The following GPM6A variants were observed in gnomAD, a reference collection of about 807,000 sequenced individuals.
GPM6A encodes glycoprotein M6A.
In GPM6A, 7 loss-of-function variants were observed where a neutral mutation model predicts 32.1. The ratio of observed to expected loss-of-function variants is 0.22; its 90% confidence interval spans 0.12 to 0.41. The LOEUF is 0.41. Among genes scored for constraint, GPM6A ranks in the 10% least tolerant of loss-of-function variants. GPM6A has a pLI of 1.00. For synonymous variants in GPM6A, 130 were observed against 123.4 expected (o/e 1.05, Z -0.35); for missense variants, 235 against 347.2 (o/e 0.68, Z 2.57).
intron 1 of GPM6A, chr4:175,790,172 C>T (rs1328214301): frequency 6.6e-6 from 1 of 152,044 alleles, no homozygotes; most frequent in African/African-American, 2.4e-5. Context: ...CCCAATTTGC[C>T]ATTATCTACA....
chr4:175,874,194 T>C (rs923667950), intron 1 of GPM6A, among the ~76,000 whole-genome samples: 6 of 152,044 alleles, frequency 3.9e-5, no homozygotes, highest in African/African-American at 1.4e-4. Flanking sequence ...TCAATAAAGA[T>C]TGTGGAATAA....
chr4:175,656,341 G>A (rs1465523793), intron 3 of GPM6A, among the ~76,000 whole-genome samples: 3 of 152,094 alleles, frequency 2.0e-5, no homozygotes, highest in African/African-American at 7.2e-5. Context: ...ACATGCAAAT[G>A]TCTGGCAAAA....
chr4:175,833,375 T>C (rs1293174566), intron 1 of GPM6A, among the ~76,000 whole-genome samples: 1 of 152,170 alleles, frequency 6.6e-6, no homozygotes, highest in Non-Finnish European at 1.5e-5. Context: ...TGTAGGACTC[T>C]GTAGAAGCAT....
chr4:176,001,271 C>T (rs960201306), intron 1 of GPM6A, among the ~76,000 whole-genome samples: 14 of 152,144 alleles, frequency 9.2e-5, no homozygotes, highest in African/African-American at 3.1e-4. Flanking sequence ...GGGAGGGGCG[C>T]CCAGTGGACT....
chr4:175,692,539 C>T (rs1246211269), intron 2 of GPM6A, among the ~76,000 whole-genome samples: 2 of 152,062 alleles, frequency 1.3e-5, no homozygotes, highest in Non-Finnish European at 2.9e-5. Flanking sequence ...TTTAGTGACA[C>T]ATTTTGCTGT....
At chr4:175,886,220 T>C (rs1210471725) in intron 1 of GPM6A, among the ~76,000 whole-genome samples, 1 of 152,116 alleles carries the variant, frequency 6.6e-6, no homozygotes. Flanking sequence ...GTACTCGTTA[T>C]AGGAAATTAC....
intron 1 of GPM6A, among the ~76,000 whole-genome samples, chr4:175,788,713 T>G (rs1313041522): frequency 6.6e-6 from 1 of 152,194 alleles, no homozygotes; most frequent in Non-Finnish European, 1.5e-5. Flanking sequence ...AGAAGTGGAT[T>G]TTGTTTCGGA....
chr4:175,965,022 A>G (rs2126410257), intron 1 of GPM6A, among the ~76,000 whole-genome samples: 1 of 152,314 alleles, frequency 6.6e-6, no homozygotes, highest in Non-Finnish European at 1.5e-5. Flanking sequence ...TGAAAGTTAT[A>G]GAGCAGGCAG....
rs188060000 is a variant in GPM6A at position 175,687,955 on chromosome 4, C to T, written c.230+13620G>A. On this transcript the variant is annotated intron_variant, in intron 2 of 6. Coordinates refer to ENST00000393658, the MANE Select transcript of GPM6A (RefSeq NM_201591.3). Reference sequence around the variant, plus strand: ...TGGTTAGTGATTTGGAACATCTTTTCATATACCTGTTGGCCAATTGTAAGT... The same window carrying T: ...TGGTTAGTGATTTGGAACATCTTTTTATATACCTGTTGGCCAATTGTAAGT... Among the ~76,000 whole-genome samples the T allele has an allele frequency of 2.0e-5, 3 of 152,292 alleles. No homozygotes were observed. The East Asian group carries it at 5.8e-4, about 29-fold the overall frequency.
intron 1 of GPM6A, among the ~76,000 whole-genome samples, chr4:175,908,537 A>G (rs1487171074): frequency 6.6e-6 from 1 of 152,154 alleles, no homozygotes; most frequent in Admixed American, 6.6e-5. Context: ...GTTAAAAAAA[A>G]AGACAGTTTA....
At chr4:175,661,113 ATCTT>A (rs1742385102) in intron 3 of GPM6A, among the ~76,000 whole-genome samples, 1 of 152,232 alleles carries the variant, frequency 6.6e-6, no homozygotes, top group African/African-American at 2.4e-5. Flanking sequence ...CTAGAATGTT[ATCTT>A]TCTAAGTCAG....
At chr4:175,807,191 G>A (rs76003462) in intron 1 of GPM6A, among the ~76,000 whole-genome samples, 4,015 of 152,084 alleles carry the variant, frequency 0.026, 82 homozygotes, top group Non-Finnish European at 0.039. Flanking sequence ...ATACTTACTG[G>A]TAGGCAATGA....
At chr4:175,881,685 T>C (rs1737281649) in intron 1 of GPM6A, among the ~76,000 whole-genome samples, 1 of 152,168 alleles carries the variant, frequency 6.6e-6, no homozygotes, top group African/African-American at 2.4e-5. Flanking sequence ...TGAGTTCATG[T>C]CCTTTTTAGG....
At chr4:175,762,014 G>A (rs750898401) in intron 1 of GPM6A, among the ~76,000 whole-genome samples, 3 of 152,036 alleles carry the variant, frequency 2.0e-5, no homozygotes, top group Non-Finnish European at 4.4e-5. Flanking sequence ...GGCTGGTCTC[G>A]AACTCTTGAC....
intron 2 of GPM6A, among the ~76,000 whole-genome samples, chr4:175,682,582 A>G (rs1743748622): frequency 6.6e-6 from 1 of 152,172 alleles, no homozygotes; most frequent in South Asian, 2.1e-4. Flanking sequence ...GAAGGAAAGA[A>G]TGGTTTCAGG....
chr4:175,792,915 A>G lies in GPM6A; in HGVS notation c.37+19276T>C, dbSNP rs142306255. On this transcript the variant is annotated intron_variant, in intron 1 of 6. Transcript: ENST00000393658. ...ACAATGTGGCCGACCATGGTGACGCATGCCTGTAATCCCAGCACTTTAGGA... is the reference window on the plus strand; with the variant it reads ...ACAATGTGGCCGACCATGGTGACGCGTGCCTGTAATCCCAGCACTTTAGGA... 2.4e-3 allele frequency among the ~76,000 whole-genome samples: 372 copies of G among 152,334 alleles called. 2 individuals are homozygous for G. The highest frequency in any genetic ancestry group is 8.4e-3 in the African/African-American group (349 of 41,574).
chr4:175,657,463 A>G (rs964423021), intron 3 of GPM6A, among the ~76,000 whole-genome samples: 3 of 143,182 alleles, frequency 2.1e-5, no homozygotes, highest in Admixed American at 6.8e-5. Flanking sequence ...AACTCTTTCT[A>G]TATTGGAATC....
chr4:175,916,939 C>T (rs570399825), intron 1 of GPM6A, among the ~76,000 whole-genome samples: 1 of 152,302 alleles, frequency 6.6e-6, no homozygotes, highest in East Asian at 1.9e-4. Flanking sequence ...AGTTATGAAA[C>T]ATCTTTTTAT....
chr4:175,693,080 T>C (rs1744384820), intron 2 of GPM6A, among the ~76,000 whole-genome samples: 1 of 152,044 alleles, frequency 6.6e-6, no homozygotes, highest in Admixed American at 6.6e-5. Flanking sequence ...TTAGCTGATG[T>C]GGATGGCACT....
Sources: gnomAD v4.1 joint callset for allele counts (sites outside exome capture counted in the v4.1 genomes callset) on GRCh38, gnomAD v4.1.1 for gene constraint, MANE v1.5 for transcripts, NCBI Gene and HGNC (gene_info 2026-07-23, HGNC 2026-07-21) for gene names.